Variants in CEP128 observed in about 807,000 individuals in gnomAD.
The protein encoded by CEP128 is centrosomal protein 128kDa.
A neutral mutation model predicts 156.7 loss-of-function variants in CEP128; 132 were observed. The observed-to-expected ratio is 0.84, with a 90% CI of 0.73 to 0.97. CEP128 has a LOEUF of 0.97. Among genes scored for constraint, CEP128 ranks in the 50% least tolerant of loss-of-function variants. The probability of loss-of-function intolerance (pLI) is 0.00; values close to 1 mark genes in which losing one functional copy is unlikely to be tolerated. For synonymous variants in CEP128, 469 were observed against 448.9 expected, an observed-to-expected ratio of 1.04 and a Z score of -0.57; for missense variants, 1,252 against 1,281.9, an observed-to-expected ratio of 0.98 and a Z score of 0.36.
intron 9 of CEP128, among the ~76,000 whole-genome samples, chr14:80,859,249 G>C (rs1402515359): frequency 6.7e-6 from 1 of 150,302 alleles, no homozygotes; most frequent in Non-Finnish European, 1.5e-5. Flanking sequence ...CCTTTGTAGG[G>C]ACATGGATGA....
At chr14:80,647,966 T>C (rs987711362) in intron 19 of CEP128, among the ~76,000 whole-genome samples, 3 of 152,116 alleles carry the variant, frequency 2.0e-5, no homozygotes, top group African/African-American at 7.2e-5. Flanking sequence ...CAACTTCTTA[T>C]TTTCCAAACT....
chr14:80,513,183 T>C (rs1350514112), intron 23 of CEP128, among the ~76,000 whole-genome samples: 1 of 152,064 alleles, frequency 6.6e-6, no homozygotes, highest in Non-Finnish European at 1.5e-5. Context: ...CCCTCAGCTT[T>C]TGTTTGTCTG....
intron 23 of CEP128, among the ~76,000 whole-genome samples, chr14:80,525,494 C>A (rs923279410): frequency 6.6e-6 from 1 of 152,150 alleles, no homozygotes; most frequent in Non-Finnish European, 1.5e-5. Context: ...CTAAAATATG[C>A]TCAATAATCA....
intron 19 of CEP128, among the ~76,000 whole-genome samples, chr14:80,664,402 A>T (rs1895526925): frequency 6.6e-6 from 1 of 152,140 alleles, no homozygotes; most frequent in African/African-American, 2.4e-5. Flanking sequence ...ACAGTGAGCA[A>T]GCTGAGAAAG....
chr14:80,954,144 C>G (rs1186670303), intron 2 of CEP128, among the ~76,000 whole-genome samples: 1 of 152,062 alleles, frequency 6.6e-6, no homozygotes, highest in African/African-American at 2.4e-5. Flanking sequence ...GTGGCGGGCG[C>G]CTGTAGTCCC....
intron 19 of CEP128, among the ~76,000 whole-genome samples, chr14:80,683,958 GA>G (rs1213262461): frequency 6.6e-6 from 1 of 152,030 alleles, no homozygotes; most frequent in Admixed American, 6.6e-5. Flanking sequence ...GCATTAAGAG[GA>G]AAGTTTATAG....
chr14:80,912,173 C>T (rs946732272), intron 4 of CEP128, among the ~76,000 whole-genome samples: 6 of 151,422 alleles, frequency 4.0e-5, no homozygotes, highest in East Asian at 1.9e-4. Context: ...GCTGAGATCG[C>T]GCCACTGCAT....
intron 19 of CEP128, among the ~76,000 whole-genome samples, chr14:80,711,934 C>T (rs555611648): frequency 6.6e-6 from 1 of 152,140 alleles, no homozygotes; most frequent in Non-Finnish European, 1.5e-5. Flanking sequence ...GAACTATTTG[C>T]ATGCCAATTC....
Position 80,882,761 on chromosome 14 carries a change from A to C in CEP128, c.645+12957T>G, listed in dbSNP as rs115713776. On this transcript the variant is annotated intron_variant, in intron 8 of 24. Transcript: ENST00000555265. ...AAACAATGGGATTCTGTCATTTCCAACAACATGGATGGAACTGGAGGTCAA... is the reference window on the plus strand; with the variant it reads ...AAACAATGGGATTCTGTCATTTCCACCAACATGGATGGAACTGGAGGTCAA... 4.8e-3 allele frequency among the ~76,000 whole-genome samples: 728 copies of C among 152,306 alleles called. 9 individuals carry two copies. The highest frequency in any genetic ancestry group is 0.017 in the African/African-American group (701 of 41,576).
In CEP128 at chr14:80,736,622, C is replaced by A. The variant is rs769946430; in HGVS notation, c.2806+6453G>T. On this transcript the variant is annotated intron_variant, in intron 19 of 24. Coordinates refer to ENST00000555265, the MANE Select transcript of CEP128 (RefSeq NM_152446.5). ...CCACTCAATCAATACTGGTCTGTTG[C>A]CAACTGAATACATTACTGGAAATAT... Among the ~76,000 whole-genome samples, 44 of 152,194 alleles carry A rather than the reference C, an allele frequency of 2.9e-4. 1 individual carries two copies. Among genetic ancestry groups the A allele is most frequent in the South Asian group, 8.3e-4 (4 of 4,816 alleles).
chr14:80,755,983 T>A (rs1899640162), intron 18 of CEP128, among the ~76,000 whole-genome samples: 1 of 152,222 alleles, frequency 6.6e-6, no homozygotes, highest in South Asian at 2.1e-4. Flanking sequence ...CATCTGTGGC[T>A]CTCATAGTTT....
chr14:80,520,930 C>T (rs555741722), intron 23 of CEP128, among the ~76,000 whole-genome samples: 2 of 151,900 alleles, frequency 1.3e-5, no homozygotes, highest in Non-Finnish European at 2.9e-5. Flanking sequence ...TCACCCCATT[C>T]TCCTGCCTCA....
intron 20 of CEP128, among the ~76,000 whole-genome samples, chr14:80,559,919 T>G (rs888609599): frequency 2.0e-5 from 3 of 152,216 alleles, no homozygotes; most frequent in African/African-American, 7.2e-5. Context: ...TTGATAACGA[T>G]GCATCAAAAG....
intron 1 of CEP128, among the ~76,000 whole-genome samples, chr14:80,940,356 T>A (rs1259727059): frequency 6.6e-6 from 1 of 152,232 alleles, no homozygotes; most frequent in African/African-American, 2.4e-5. Context: ...CAAATTTATG[T>A]GTGCCAATGT....
At chr14:80,954,198 A>G (rs1886540941) in intron 2 of CEP128, among the ~76,000 whole-genome samples, 2 of 152,066 alleles carry the variant, frequency 1.3e-5, no homozygotes, top group Admixed American at 1.3e-4. Flanking sequence ...TGAACCTCGG[A>G]GGCAAAGGTT....
intron 19 of CEP128, among the ~76,000 whole-genome samples, chr14:80,688,182 A>G (rs1049692385): frequency 5.3e-5 from 8 of 152,254 alleles, no homozygotes; most frequent in Non-Finnish European, 4.4e-5. Flanking sequence ...TCTATGTAGG[A>G]TAGAAAAAAA....
chr14:80,677,571 G>T (rs1013780687), intron 19 of CEP128, among the ~76,000 whole-genome samples: 8 of 149,248 alleles, frequency 5.4e-5, no homozygotes, highest in African/African-American at 2.0e-4. Flanking sequence ...ATAGAATATA[G>T]TAAAGTTTAG....
intron 19 of CEP128, among the ~76,000 whole-genome samples, chr14:80,679,065 T>C (rs903040414): frequency 1.7e-4 from 26 of 152,220 alleles, no homozygotes; most frequent in Admixed American, 3.9e-4. Context: ...TTCTTACACC[T>C]GCCTTATTTT....
chr14:80,936,011 T>A (rs1334974763), intron 2 of CEP128, among the ~76,000 whole-genome samples: 1 of 152,166 alleles, frequency 6.6e-6, no homozygotes, highest in African/African-American at 2.4e-5. Flanking sequence ...CCTAGCAGGC[T>A]CAGTTCCAGG....
Sources: gnomAD v4.1 joint callset for allele counts (sites outside exome capture counted in the v4.1 genomes callset) on GRCh38, gnomAD v4.1.1 for gene constraint, MANE v1.5 for transcripts, NCBI Gene and HGNC (gene_info 2026-07-23, HGNC 2026-07-21) for gene names.